Variants in USP28 observed in about 807,000 individuals in gnomAD.
The protein encoded by USP28 is ubiquitin carboxyl-terminal hydrolase 28.
USP28 carries 113 observed loss-of-function variants against 145.0 expected under a neutral mutation model. The ratio of observed to expected loss-of-function variants is 0.78; its 90% CI spans 0.67 to 0.91. USP28 has a LOEUF of 0.91. USP28 is among the 40% of genes least tolerant of loss of function. The pLI is 0.00. For missense variants in USP28, 1,201 were observed against 1,289.6 expected, an observed-to-expected ratio of 0.93 and a Z score of 1.05; for synonymous variants, 447 against 450.9, an observed-to-expected ratio of 0.99 and a Z score of 0.11.
At position 113,834,259 on chromosome 11, in the gene USP28, C is replaced by T. The variant is rs200684774; in HGVS notation, c.611G>A (p.Arg204Gln). 20 of 1,610,326 alleles carry T rather than the reference C, an allele frequency of 1.2e-5. No individual in the cohort carries two copies. The African/African-American group carries it at 1.5e-4, about 12-fold the overall frequency. The change falls in exon 6 of 25, where the codon CGA becomes CAA. Residue 204 changes from arginine (R) to glutamine (Q), a missense_variant. Physicochemically the swap from Arg to Gln is conservative, Grantham distance 43 (BLOSUM62 1). Coordinates refer to ENST00000003302, the Ensembl canonical transcript of USP28. ...TTGACACCAACTTACTGTATGACTT[C>T]GACAATTTTCAAGTACATTTTGTGG...
At chr11:113,866,071 A>T (rs547329882) in intron 1 of USP28, among the ~76,000 whole-genome samples, 2 of 152,336 alleles carry the variant, frequency 1.3e-5, no homozygotes, top group East Asian at 3.9e-4. Flanking sequence ...GCCAATGTGG[A>T]TCACCTAAGG....
intron 9 of USP28, 75 bp from the exon 10 acceptor site, chr11:113,829,420 A>C (rs1943732494): frequency 1.3e-6 from 2 of 1,560,608 alleles, no homozygotes; most frequent in African/African-American, 1.4e-5. Flanking sequence ...CTCCACAGAG[A>C]CAACATTTTA....
At chr11:113,808,355 A>G in exon 18 of USP28, 1 of 1,614,114 alleles carries the variant, frequency 6.2e-7, no homozygotes, top group East Asian at 2.2e-5. Flanking sequence ...TGTTTGCAAT[A>G]GCCTGGGCAG....
intron 24 of USP28, among the ~76,000 whole-genome samples, chr11:113,799,766 AG>A (rs959101709): frequency 2.0e-5 from 3 of 152,232 alleles, no homozygotes; most frequent in Non-Finnish European, 4.4e-5. Flanking sequence ...GTTTTAAATC[AG>A]GGGTGTACAG....
At chr11:113,847,116 C>T (rs996666829) in intron 3 of USP28, among the ~76,000 whole-genome samples, 28 of 152,004 alleles carry the variant, frequency 1.8e-4, no homozygotes, top group African/African-American at 6.5e-4. Context: ...ATCTAGGTAA[C>T]AATCATCAAT....
At chr11:113,847,400 A>AT (rs1945982333) in intron 3 of USP28, among the ~76,000 whole-genome samples, 1 of 136,596 alleles carries the variant, frequency 7.3e-6, no homozygotes, top group African/African-American at 2.7e-5. Flanking sequence ...GAAAACTGAC[A>AT]TAACAAAGGA....
In USP28 at chr11:113,808,153, G is replaced by T. The variant is rs764743596; in HGVS notation, c.2304+145C>A. On this transcript the variant is annotated intron_variant, in intron 18 of 24. Coordinates refer to ENST00000003302, the Ensembl canonical transcript of USP28. Reference sequence around the variant, plus strand: ...TTCTTTAAGCTGTGGCAGCAGAGTGGGGAGAAAGAGTAAGAAAAAACAGGA... The same window carrying T: ...TTCTTTAAGCTGTGGCAGCAGAGTGTGGAGAAAGAGTAAGAAAAAACAGGA... 2.0e-6 allele frequency: 3 copies of T among 1,517,558 alleles called. No homozygotes were observed. In the Admixed American group the frequency reaches 6.2e-5, roughly 31 times the overall value. The allele number at this position is 1,517,558 out of a possible 1,614,324, so 94.0% of individuals were successfully genotyped here.
At chr11:113,863,818 G>A (rs1278846947) in intron 1 of USP28, among the ~76,000 whole-genome samples, 5 of 151,822 alleles carry the variant, frequency 3.3e-5, no homozygotes, top group African/African-American at 1.2e-4. Context: ...GGTGGCCGGC[G>A]CCTGTAGTCC....
intron 5 of USP28, among the ~76,000 whole-genome samples, chr11:113,838,157 A>G (rs991128815): frequency 6.6e-6 from 1 of 152,166 alleles, no homozygotes; most frequent in African/African-American, 2.4e-5. Context: ...TTACTCAGCT[A>G]TCTTCTCCAT....
At chr11:113,805,232 G>C (rs1052950117) in intron 19 of USP28, among the ~76,000 whole-genome samples, 186 bp from the exon 21 acceptor site, 1 of 148,750 alleles carries the variant, frequency 6.7e-6, no homozygotes, top group African/African-American at 2.5e-5. Flanking sequence ...AACTCTTTTA[G>C]CATTCTGGCA....
intron 23 of USP28, among the ~76,000 whole-genome samples, chr11:113,801,883 A>G (rs1042634081): frequency 1.3e-5 from 2 of 152,160 alleles, no homozygotes; most frequent in Non-Finnish European, 2.9e-5. Context: ...ATTTTATGAA[A>G]GCTCCCAAAG....
intron 11 of USP28, among the ~76,000 whole-genome samples, chr11:113,825,016 C>T (rs1011910967): frequency 6.6e-6 from 1 of 151,350 alleles, no homozygotes; most frequent in Non-Finnish European, 1.5e-5. Context: ...CCAATAGCCA[C>T]TGGGTAGAAA....
At chr11:113,862,025 T>A (rs2051676) in intron 1 of USP28, among the ~76,000 whole-genome samples, 9,847 of 152,288 alleles carry the variant, frequency 0.065, 434 homozygotes, top group Non-Finnish European at 0.09. Context: ...ACTAGCTGGG[T>A]CTTCGTGTGT....
At chr11:113,816,619 T>C (rs951460444) in intron 13 of USP28, among the ~76,000 whole-genome samples, 3 of 152,264 alleles carry the variant, frequency 2.0e-5, no homozygotes, top group South Asian at 2.1e-4. Context: ...TCCATACTTA[T>C]GGAAAAATAA....
exon 1 of USP28, chr11:113,875,564 C>T: frequency 1.8e-6 from 2 of 1,097,394 alleles, no homozygotes; most frequent in Non-Finnish European, 2.2e-6. Context: ...CCCAGCCTCT[C>T]AGGACTAGGC....
exon 25 of USP28, chr11:113,799,133 C>G (rs1406812010): frequency 1.6e-6 from 2 of 1,286,236 alleles, no homozygotes; most frequent in Non-Finnish European, 2.2e-6. Context: ...TGATCGGAAT[C>G]TTATGTGCCC....
At chr11:113,859,609 A>T (rs1330275130) in intron 1 of USP28, among the ~76,000 whole-genome samples, 1 of 151,664 alleles carries the variant, frequency 6.6e-6, no homozygotes, top group Non-Finnish European at 1.5e-5. Context: ...ATATATATAT[A>T]TTTATATAAA....
intron 11 of USP28, among the ~76,000 whole-genome samples, chr11:113,824,485 T>A (rs2513568): frequency 4.6e-5 from 7 of 151,778 alleles, no homozygotes; most frequent in African/African-American, 1.7e-4. Context: ...GTCTGATTAA[T>A]TTTTGTATTT....
intron 3 of USP28, among the ~76,000 whole-genome samples, chr11:113,843,016 A>T: frequency 6.6e-6 from 1 of 152,136 alleles, no homozygotes; most frequent in East Asian, 1.9e-4. Flanking sequence ...GGATCAGTTG[A>T]GGTCAGGAGT....
Sources: gnomAD v4.1 joint callset for allele counts (sites outside exome capture counted in the v4.1 genomes callset) on GRCh38, gnomAD v4.1.1 for gene constraint, MANE v1.5 for transcripts, NCBI Gene and HGNC (gene_info 2026-07-23, HGNC 2026-07-21) for gene names.